Variants in VLDLR observed in about 807,000 individuals in gnomAD.
VLDLR encodes very low density lipoprotein receptor.
Under a neutral mutation model 112.7 loss-of-function variants are expected in VLDLR, and 81 were observed. That is an observed-to-expected ratio of 0.72 (90% CI 0.60 to 0.86). The LOEUF is 0.86. Ranked by LOEUF, VLDLR falls within the 40% of genes least tolerant of loss-of-function variation. The pLI, the probability that VLDLR is intolerant of heterozygous loss-of-function variation, is 0.00. For missense variants in VLDLR, 1,237 were observed against 1,099.4 expected (o/e 1.13, Z -1.77); for synonymous variants, 436 against 384.8 (o/e 1.13, Z -1.56).
chr9:2,659,715 C>T lies in VLDLR; in HGVS notation c.*5847C>T, dbSNP rs1177620320. 1 of 152,194 alleles carries T rather than the reference C, an allele frequency of 6.6e-6. No individual in the cohort carries two copies. The highest frequency in any genetic ancestry group is 1.5e-5 in the Non-Finnish European group (1 of 68,032). The allele number at this position is 152,194 out of a possible 1,614,324, so 9.4% of individuals were successfully genotyped here. ...TTGTAACTCAATGATGCTATAACTCCAGCACTGGATCTTAAGTATTCTGGA... is the reference window on the plus strand; with the variant it reads ...TTGTAACTCAATGATGCTATAACTCTAGCACTGGATCTTAAGTATTCTGGA... On this transcript the variant is annotated 3_prime_UTR_variant, in exon 19 of 19. Coordinates refer to ENST00000382100, the MANE Select transcript of VLDLR (RefSeq NM_003383.5).
In VLDLR at chr9:2,657,673, G is replaced by A. The variant is rs547636864; in HGVS notation, c.*3805G>A. 6.6e-6 allele frequency: 1 copy of A among 152,384 alleles called. No homozygotes were observed. The highest frequency in any genetic ancestry group is 2.1e-4 in the South Asian group (1 of 4,830). The allele number at this position is 152,384 out of a possible 1,614,324, so 9.4% of individuals were successfully genotyped here. On this transcript the variant is annotated 3_prime_UTR_variant, in exon 19 of 19. Coordinates refer to ENST00000382100, the MANE Select transcript of VLDLR (RefSeq NM_003383.5). ...GCTAACTGCTGCTGCTGCCCGTTCTGTTGGCGGCTGCTGGCCAAGTGTGCA... is the reference window on the plus strand; with the variant it reads ...GCTAACTGCTGCTGCTGCCCGTTCTATTGGCGGCTGCTGGCCAAGTGTGCA...
At chr9:2,650,308 A>C in intron 14 of VLDLR, 62 bp from the exon 15 acceptor site, 3 of 1,608,220 alleles carry the variant, frequency 1.9e-6, no homozygotes, top group Non-Finnish European at 2.5e-6. Context: ...CATGTAGAAC[A>C]AGGCTTTATA....
chr9:2,637,633 C>T (rs908217352), intron 2 of VLDLR, among the ~76,000 whole-genome samples: 1 of 137,894 alleles, frequency 7.3e-6, no homozygotes, highest in East Asian at 3.4e-4. Flanking sequence ...ATCCTCCTTA[C>T]GTTTTCTAAG....
intron 1 of VLDLR, among the ~76,000 whole-genome samples, chr9:2,630,581 C>T (rs181080837): frequency 7.9e-5 from 12 of 152,260 alleles, no homozygotes; most frequent in Admixed American, 3.9e-4. Flanking sequence ...GGGTGCTGCT[C>T]GGAGCCCCAT....
intron 2 of VLDLR, among the ~76,000 whole-genome samples, chr9:2,636,440 G>A (rs1307545480): frequency 6.6e-6 from 1 of 152,148 alleles, no homozygotes; most frequent in Non-Finnish European, 1.5e-5. Context: ...TTCATCAACT[G>A]CCATCTTGTT....
In VLDLR at chr9:2,653,028, A is replaced by G. The variant is rs112159411; in HGVS notation, c.2586+79A>G. On this transcript the variant is annotated intron_variant, in intron 18 of 18. Transcript: ENST00000382100. Reference sequence around the variant, plus strand: ...AAGGAGACCTGGGTGAGAGAGAGAGAGCCATTAGGATGATGGAGTTACCAA... The same window carrying G: ...AAGGAGACCTGGGTGAGAGAGAGAGGGCCATTAGGATGATGGAGTTACCAA... The G allele has an allele frequency of 8.3e-6, 13 of 1,568,508 alleles. No homozygotes were observed. In the Admixed American group the frequency reaches 2.0e-4, roughly 24 times the overall value.
At chr9:2,624,798 C>T (rs147906712) in intron 1 of VLDLR, among the ~76,000 whole-genome samples, 1 of 152,172 alleles carries the variant, frequency 6.6e-6, no homozygotes, top group Non-Finnish European at 1.5e-5. Context: ...AAAGACTGAT[C>T]ACTCATGTGA....
chr9:2,641,441 G>A lies in VLDLR; in HGVS notation c.390G>A (p.Val130=). ...CCCATTCTACTCAGTGTATCCCAGT[G>A]TCCTGGAGATGTGATGGTGAAAATG... The part of the protein sequence containing the change: ...CGAHSTQCIP[V]SWRCDGENDC... The change falls in exon 4 of 19, where the codon GTG becomes GTA. Residue 130 remains valine, a synonymous_variant. Coordinates refer to ENST00000382100, the MANE Select transcript of VLDLR (RefSeq NM_003383.5). The A allele has an allele frequency of 6.2e-7, 1 of 1,614,212 alleles. No homozygotes were observed. Among genetic ancestry groups the A allele is most frequent in the Non-Finnish European group, 8.5e-7 (1 of 1,180,036 alleles).
rs1477126458 is a variant in VLDLR at position 2,656,265 on chromosome 9, C to G, written c.*2397C>G. 1.3e-5 allele frequency: 2 copies of G among 151,786 alleles called. No individual in the cohort carries two copies. The highest frequency in any genetic ancestry group is 2.9e-5 in the Non-Finnish European group (2 of 67,948). 9.4% of individuals were successfully genotyped at this position (151,786 alleles called of 1,614,324 possible). On this transcript the variant is annotated 3_prime_UTR_variant, in exon 19 of 19. Coordinates refer to ENST00000382100, the MANE Select transcript of VLDLR (RefSeq NM_003383.5). ...CGAGGTACAAACTCATTTGTAGAAA[C>G]AAAGTAACTAGATATTCCTATTGAA...
rs148717572 is a variant in VLDLR at position 2,659,902 on chromosome 9, G to A, written c.*6034G>A. The A allele has an allele frequency of 1.6e-3, 243 of 152,288 alleles. No homozygotes were observed. Among genetic ancestry groups the A allele is most frequent in the African/African-American group, 5.7e-3 (237 of 41,560 alleles). The allele number at this position is 152,288 out of a possible 1,614,324, so 9.4% of individuals were successfully genotyped here. A position where few individuals can be genotyped will look rare whatever the true frequency, so the allele number is the denominator to read the frequency against. The stretch of plus-strand genomic sequence containing the variant: ...AGAATGCGATTTAAAAGCATGTAAT[G>A]CCTCAGGAGTCCGGCATATACAACC... On this transcript the variant is annotated 3_prime_UTR_variant, in exon 19 of 19. Coordinates refer to ENST00000382100, the MANE Select transcript of VLDLR (RefSeq NM_003383.5).
At chr9:2,631,677 C>T (rs1288189784) in intron 1 of VLDLR, among the ~76,000 whole-genome samples, 1 of 139,126 alleles carries the variant, frequency 7.2e-6, no homozygotes, top group Admixed American at 7.5e-5. Context: ...AAAGGGAGAG[C>T]AGATGAAAGG....
intron 1 of VLDLR, among the ~76,000 whole-genome samples, chr9:2,634,524 A>C (rs562674600): frequency 6.6e-6 from 1 of 152,336 alleles, no homozygotes; most frequent in Admixed American, 6.5e-5. Flanking sequence ...AAGCACCTGA[A>C]CATTAGCTGG....
At chr9:2,625,924 G>A (rs1284362588) in intron 1 of VLDLR, among the ~76,000 whole-genome samples, 3 of 152,156 alleles carry the variant, frequency 2.0e-5, no homozygotes, top group Non-Finnish European at 2.9e-5. Context: ...CTAGCTATAG[G>A]CGAATCTGGC....
At chr9:2,652,166 A>G (rs1164915584) in intron 17 of VLDLR, among the ~76,000 whole-genome samples, 1 of 152,222 alleles carries the variant, frequency 6.6e-6, no homozygotes. Flanking sequence ...ACTGGCAATG[A>G]TAAGTGTTCA....
chr9:2,622,686 C>T (rs1331291734), intron 1 of VLDLR, among the ~76,000 whole-genome samples: 2 of 152,058 alleles, frequency 1.3e-5, no homozygotes, highest in African/African-American at 2.4e-5. Flanking sequence ...TCGGGCGCAC[C>T]CTCGAACCCC....
At chr9:2,630,810 A>G (rs954080641) in intron 1 of VLDLR, among the ~76,000 whole-genome samples, 2 of 152,228 alleles carry the variant, frequency 1.3e-5, no homozygotes, top group African/African-American at 4.8e-5. Flanking sequence ...TAGGCCACAA[A>G]AACAAAATAG....
intron 2 of VLDLR, among the ~76,000 whole-genome samples, chr9:2,639,300 G>C (rs961117787): frequency 1.3e-5 from 2 of 152,176 alleles, no homozygotes; most frequent in Non-Finnish European, 2.9e-5. Flanking sequence ...AAGCGCTCTG[G>C]TTTCTTTTTA....
At chr9:2,643,138 G>T (rs1322862707) in intron 4 of VLDLR, 22 bp from the exon 5 acceptor site, 10 of 1,605,510 alleles carry the variant, frequency 6.2e-6, no homozygotes, top group Non-Finnish European at 7.6e-6. Context: ...CATTTTCAGT[G>T]GGGCATCCTC....
intron 1 of VLDLR, among the ~76,000 whole-genome samples, chr9:2,630,340 T>G (rs1817286374): frequency 6.6e-6 from 1 of 152,146 alleles, no homozygotes; most frequent in Non-Finnish European, 1.5e-5. Context: ...TAAAAATAAA[T>G]GCCCTTGGTG....
Sources: allele counts gnomAD v4.1 joint callset (sites outside exome capture counted in the v4.1 genomes callset), GRCh38; gene constraint gnomAD v4.1.1; transcripts MANE v1.5; gene names NCBI Gene and HGNC (gene_info 2026-07-23, HGNC 2026-07-21).